The following ZNF292 variants were observed in gnomAD, a reference collection of about 807,000 sequenced individuals.
ZNF292 encodes the protein 16 zinc-finger domain protein.
ZNF292 carries 26 observed loss-of-function variants against 217.9 expected under a neutral mutation model. The observed-to-expected ratio is 0.12, with a 90% CI of 0.09 to 0.17. ZNF292 has a LOEUF of 0.17. ZNF292 is among the 10% of genes least tolerant of loss of function. ZNF292 has a pLI of 1.00. For synonymous variants in ZNF292, 1,257 were observed against 1,124.1 expected (o/e 1.12, Z -2.37); for missense variants, 2,904 against 3,175.2 (o/e 0.91, Z 2.05).
At chr6:87,253,343 C>G (rs1447218104) in intron 7 of ZNF292, among the ~76,000 whole-genome samples, 2 of 151,692 alleles carry the variant, frequency 1.3e-5, no homozygotes. Context: ...ATCCTCCTTC[C>G]TCAGCCCCAC....
At chr6:87,228,609 G>C (rs765321935) in intron 4 of ZNF292, among the ~76,000 whole-genome samples, 5 of 152,100 alleles carry the variant, frequency 3.3e-5, no homozygotes, top group Non-Finnish European at 7.4e-5. Flanking sequence ...GTTTGTATAT[G>C]GTGCAGGAAT....
In ZNF292 at chr6:87,261,090, GT is replaced by G; in HGVS notation, c.7464del (p.Phe2488LeufsTer5). 6.2e-7 allele frequency: 1 copy of G among 1,610,038 alleles called. No individual in the cohort carries two copies. Among genetic ancestry groups the G allele is most frequent in the Non-Finnish European group, 8.5e-7 (1 of 1,178,178 alleles). On this transcript the variant is annotated frameshift_variant, in exon 8 of 8. Coordinates refer to ENST00000369577, the MANE Select transcript of ZNF292 (RefSeq NM_015021.3). LOFTEE classifies it high-confidence loss of function. ...KDEMDELTEL[F>X]ITKLINEDST... is the part of the protein sequence containing the mutation. ...ATGAAATGGATGAACTAACAGAATT[GT>G]TTATTACAAAATTAATAAATGAAGA...
chr6:87,260,481 A>G lies in ZNF292; in HGVS notation c.6852A>G (p.Lys2284=). The part of the protein sequence containing the change: ...LRHIFNKHND[K]HKAHLIRPRR... ...ACATTTTTAATAAGCATAATGACAAACATAAGGCTCATTTGATTCGTCCAA... is the reference window on the plus strand; with the variant it reads ...ACATTTTTAATAAGCATAATGACAAGCATAAGGCTCATTTGATTCGTCCAA... The change falls in exon 8 of 8, where the codon AAA becomes AAG. Residue 2284 remains lysine, a synonymous_variant. Coordinates refer to ENST00000369577, the MANE Select transcript of ZNF292 (RefSeq NM_015021.3). 1.2e-6 allele frequency: 2 copies of G among 1,613,622 alleles called. No homozygotes were observed. Among genetic ancestry groups the G allele is most frequent in the Non-Finnish European group, 1.7e-6 (2 of 1,179,696 alleles).
At chr6:87,247,199 A>T (rs1269434737) in intron 7 of ZNF292, among the ~76,000 whole-genome samples, 1 of 149,312 alleles carries the variant, frequency 6.7e-6, no homozygotes, top group Non-Finnish European at 1.5e-5. Context: ...ATCTTGGGCC[A>T]GCTCTTCTTG....
At chr6:87,198,126 C>T (rs1203033123) in intron 1 of ZNF292, among the ~76,000 whole-genome samples, 3 of 152,068 alleles carry the variant, frequency 2.0e-5, no homozygotes, top group African/African-American at 4.8e-5. Context: ...ACAGATGACA[C>T]CAATTAGCTT....
intron 4 of ZNF292, among the ~76,000 whole-genome samples, chr6:87,221,436 A>G (rs1181695929): frequency 1.3e-5 from 2 of 152,210 alleles, no homozygotes; most frequent in Non-Finnish European, 2.9e-5. Context: ...CTTCTAGAGT[A>G]TGGTACTTAT....
At chr6:87,202,494 A>C (rs1442575349) in intron 1 of ZNF292, among the ~76,000 whole-genome samples, 1 of 152,002 alleles carries the variant, frequency 6.6e-6, no homozygotes. Context: ...TACTGCTTTT[A>C]TTTCTTTTTC....
chr6:87,185,209 A>G (rs1191253414), intron 1 of ZNF292, among the ~76,000 whole-genome samples: 4 of 152,232 alleles, frequency 2.6e-5, no homozygotes, highest in Admixed American at 2.0e-4. Context: ...TCCACCTAAC[A>G]TGATGCAACT....
At chr6:87,217,976 A>T (rs564766130) in intron 3 of ZNF292, among the ~76,000 whole-genome samples, 3 of 152,140 alleles carry the variant, frequency 2.0e-5, no homozygotes, top group Non-Finnish European at 4.4e-5. Flanking sequence ...AACTTTGTTC[A>T]TAGAAATTCT....
At chr6:87,218,876 C>A in intron 4 of ZNF292, 145 bp downstream of exon 4, 2 of 785,986 alleles carry the variant, frequency 2.5e-6, no homozygotes, top group Non-Finnish European at 3.7e-6. Context: ...TGAGGCCCTG[C>A]GCCTTTATTT....
intron 1 of ZNF292, among the ~76,000 whole-genome samples, chr6:87,212,044 T>C (rs1472325708): frequency 6.6e-6 from 1 of 152,172 alleles, no homozygotes; most frequent in Non-Finnish European, 1.5e-5. Context: ...TCTGTCCAAC[T>C]TGGCTACAAT....
chr6:87,245,871 A>C (rs1280771469), intron 7 of ZNF292, among the ~76,000 whole-genome samples: 1 of 152,222 alleles, frequency 6.6e-6, no homozygotes, highest in Non-Finnish European at 1.5e-5. Flanking sequence ...AATATGTAAT[A>C]CTTAAATTAT....
intron 1 of ZNF292, among the ~76,000 whole-genome samples, chr6:87,191,582 CA>C (rs1229562543): frequency 2.6e-5 from 4 of 152,218 alleles, no homozygotes; most frequent in African/African-American, 7.2e-5. Context: ...AATTGACCTC[CA>C]AAAGTGCAGT....
At chr6:87,167,680 A>G (rs967048025) in intron 1 of ZNF292, among the ~76,000 whole-genome samples, 19 of 152,196 alleles carry the variant, frequency 1.2e-4, no homozygotes, top group African/African-American at 4.3e-4. Flanking sequence ...TGTTTTAATG[A>G]CAACCTTGCT....
At position 87,253,220 on chromosome 6, in the gene ZNF292, C is replaced by CTTTTTT. The variant is rs66511840; in HGVS notation, c.1021-1413_1021-1408dup. 1.3e-3 allele frequency among the ~76,000 whole-genome samples: 150 copies of CTTTTTT among 118,940 alleles called. 1 individual carries two copies. Among genetic ancestry groups the CTTTTTT allele is most frequent in the African/African-American group, 2.5e-3 (74 of 29,442 alleles). 78.0% of individuals were successfully genotyped at this position (118,940 alleles called of 152,430 possible). On this transcript the variant is annotated intron_variant, in intron 7 of 7. Coordinates refer to ENST00000369577, the MANE Select transcript of ZNF292 (RefSeq NM_015021.3). ...TAAACCATGAGCCACCATGCCCAGC[C>CTTTTTT]TTTTTTTTTTTTTTTTTTTTTTGAG...
Position 87,256,970 on chromosome 6 carries a change from G to A in ZNF292, c.3341G>A (p.Ser1114Asn). The A allele has an allele frequency of 1.2e-6, 2 of 1,613,784 alleles. No homozygotes were observed. Among genetic ancestry groups the A allele is most frequent in the Non-Finnish European group, 1.7e-6 (2 of 1,179,820 alleles). ...GCTRTYNSSQ[S>N]IGKHMKTAHP... ...ACTCGAACCTATAATTCTTCACAGA[G>A]TATTGGGAAACACATGAAGACAGCA... is the stretch of plus-strand genomic sequence containing the variant. Residue 1114 changes from serine (S) to asparagine (N), a missense_variant, in exon 8 of 8, where the codon AGT becomes AAT. Transcript: ENST00000369577.
Position 87,257,695 on chromosome 6 carries a change from A to G in ZNF292, c.4066A>G (p.Arg1356Gly), listed in dbSNP as rs533927410. The change falls in exon 8 of 8, where the codon AGA (arginine) becomes GGA (glycine). Residue 1356 changes from arginine (R) to glycine (G), a missense_variant. Physicochemically the swap from Arg to Gly is moderately radical, Grantham distance 125. Coordinates refer to ENST00000369577, the MANE Select transcript of ZNF292 (RefSeq NM_015021.3). ...DRGRGPNGKE[R>G]KPKHNKRAKW... Reference sequence around the variant, plus strand: ...TGGGCGGGGCCCAAATGGGAAGGAAAGAAAACCTAAGCACAACAAAAGGGC... The same window carrying G: ...TGGGCGGGGCCCAAATGGGAAGGAAGGAAAACCTAAGCACAACAAAAGGGC... The G allele has an allele frequency of 1.2e-6, 2 of 1,612,798 alleles. No individual in the cohort carries two copies. The highest frequency in any genetic ancestry group is 1.7e-5 in the Admixed American group (1 of 59,736).
intron 1 of ZNF292, among the ~76,000 whole-genome samples, chr6:87,198,180 TTTTATTTA>T (rs146558783): frequency 0.5 from 73,966 of 147,418 alleles, 18,741 homozygotes; most frequent in Admixed American, 0.6. Context: ...TGCATGTTTA[TTTTATTTA>T]TTTATTTATT....
At chr6:87,232,931 C>T (rs1015918977) in intron 4 of ZNF292, among the ~76,000 whole-genome samples, 2 of 151,998 alleles carry the variant, frequency 1.3e-5, no homozygotes, top group African/African-American at 4.8e-5. Context: ...GGTTACTCAT[C>T]GTGGAAGGTT....
Sources: allele counts gnomAD v4.1 joint callset (sites outside exome capture counted in the v4.1 genomes callset), GRCh38; gene constraint gnomAD v4.1.1; transcripts MANE v1.5; gene names NCBI Gene and HGNC (gene_info 2026-07-23, HGNC 2026-07-21).